MYEF2: variants seen among roughly 807,000 people sequenced by gnomAD.
The protein encoded by MYEF2 is myelin gene expression factor 2.
MYEF2 carries 37 observed loss-of-function variants against 75.2 expected under a neutral mutation model. The ratio of observed to expected loss-of-function variants is 0.49; its 90% CI spans 0.38 to 0.65. MYEF2 has a LOEUF of 0.65. Among genes scored for constraint, MYEF2 ranks in the 30% least tolerant of loss-of-function variants. The pLI is 0.00. For synonymous variants in MYEF2, 195 were observed against 241.6 expected (o/e 0.81, Z 1.79); for missense variants, 634 against 771.4 (o/e 0.82, Z 2.11).
rs2040111239 is a variant in MYEF2, at chr15:48,165,790, C to T, written c.525+143G>A. 4 of 538,766 alleles carry T rather than the reference C, an allele frequency of 7.4e-6. No homozygotes were observed. The South Asian group carries it at 1.0e-4, about 14-fold the overall frequency. The allele number at this position is 538,766 out of a possible 1,614,324, so 33.4% of individuals were successfully genotyped here. On this transcript the variant is annotated intron_variant, in intron 5 of 16. Transcript: ENST00000324324. ...AATATAAAATCATGTACAAGTAAAA[C>T]TTTCGTCAATATATAATGCTTTAAT...
rs964320541 is a variant in MYEF2, at chr15:48,150,657, G to A, written c.1378+443C>T. 8.6e-5 allele frequency among the ~76,000 whole-genome samples: 13 copies of A among 152,028 alleles called. No homozygotes were observed. The South Asian group carries it at 2.7e-3, about 32-fold the overall frequency. On this transcript the variant is annotated intron_variant, in intron 14 of 16. Coordinates refer to ENST00000324324, the MANE Select transcript of MYEF2 (RefSeq NM_016132.5). ...GAATTAAGTACCTCTTTCAACCTTA[G>A]CCTGACTCAAGCTCAGGAGATGCCT... is the stretch of plus-strand genomic sequence containing the variant.
chr15:48,166,407 C>T (rs1038598841), intron 3 of MYEF2, among the ~76,000 whole-genome samples: 1 of 151,842 alleles, frequency 6.6e-6, no homozygotes, highest in Non-Finnish European at 1.5e-5. Context: ...AAATTAATGT[C>T]ACTGCACAAA....
intron 16 of MYEF2, among the ~76,000 whole-genome samples, chr15:48,144,595 T>C (rs1276790584): frequency 6.6e-6 from 1 of 151,852 alleles, no homozygotes; most frequent in Non-Finnish European, 1.5e-5. Context: ...ACAACTGGAA[T>C]GAAATGGGGA....
In MYEF2 at chr15:48,142,251, G is replaced by T; in HGVS notation, c.*657C>A. 1 of 1,613,512 alleles carries T rather than the reference G, an allele frequency of 6.2e-7. No homozygotes were observed. Among genetic ancestry groups the T allele is most frequent in the Non-Finnish European group, 8.5e-7 (1 of 1,179,670 alleles). On this transcript the variant is annotated 3_prime_UTR_variant, in exon 17 of 17. Transcript: ENST00000324324. ...GGCTGGAAACTAGACAGAAAGTTGGGAATAGTCTGCCTATTATCATACTTG... is the reference window on the plus strand; with the variant it reads ...GGCTGGAAACTAGACAGAAAGTTGGTAATAGTCTGCCTATTATCATACTTG...
At chr15:48,163,386 T>C (rs76562432) in intron 5 of MYEF2, among the ~76,000 whole-genome samples, 1 of 152,284 alleles carries the variant, frequency 6.6e-6, no homozygotes, top group Admixed American at 6.5e-5. Context: ...TTCAATTCTA[T>C]GAAGGCTGAG....
Position 48,139,247 on chromosome 15 carries a change from A to G in MYEF2, c.*3661T>C. On this transcript the variant is annotated 3_prime_UTR_variant, in exon 17 of 17. Transcript: ENST00000324324. ...GAACAAATTGCATATGTTCACTCAA[A>G]GTAGTCTAGCTACACAGCAAATTTC... The G allele has an allele frequency of 7.7e-7, 1 of 1,303,886 alleles. No individual in the cohort carries two copies. Among genetic ancestry groups the G allele is most frequent in the Non-Finnish European group, 1.1e-6 (1 of 919,736 alleles). The allele number at this position is 1,303,886 out of a possible 1,614,324, so 80.8% of individuals were successfully genotyped here.
Position 48,135,176 on chromosome 15 carries a change from A to C in MYEF2, c.*7732T>G. ...TCTCACTAGTTTGCAATTTCTTCTT[A>C]ATCACTTCACAGTCTCCTTTTTTCT... On this transcript the variant is annotated 3_prime_UTR_variant, in exon 17 of 17. Coordinates refer to ENST00000324324, the MANE Select transcript of MYEF2 (RefSeq NM_016132.5). 2.1e-6 allele frequency: 1 copy of C among 473,666 alleles called. No homozygotes were observed. The highest frequency in any genetic ancestry group is 3.4e-5 in the South Asian group (1 of 29,666). The allele number at this position is 473,666 out of a possible 1,614,324, so 29.3% of individuals were successfully genotyped here.
chr15:48,152,714 A>G (rs1208891064), intron 10 of MYEF2: 1 of 158,890 alleles, frequency 6.3e-6, no homozygotes, highest in East Asian at 1.9e-4. Context: ...AGAGCAGTAA[A>G]AATTTTCAAA....
rs1198756034 is a variant in MYEF2, at chr15:48,178,157, G to C, written c.81C>G (p.Gly27=). The stretch of plus-strand genomic sequence containing the variant: ...CGGGGTGCGGCTCTCGCCGCGGCTC[G>C]CCCGGCGGCTCTGCGGGCTGCAGGT... ...SPHLQPAEPP[G]EPRREPHPAE... The change falls in exon 1 of 17, where the codon GGC becomes GGG. Residue 27 remains glycine (G), a synonymous_variant. Transcript: ENST00000324324. 8 of 1,561,626 alleles carry C rather than the reference G, an allele frequency of 5.1e-6. No homozygotes were observed. In the South Asian group the frequency reaches 9.3e-5, roughly 18 times the overall value.
chr15:48,152,826 T>A (rs2039544775), intron 10 of MYEF2: 2 of 152,468 alleles, frequency 1.3e-5, no homozygotes, highest in Admixed American at 6.6e-5. Flanking sequence ...ATGAGCCTCA[T>A]AATTTAAAGT....
chr15:48,166,452 G>T (rs994062921), intron 3 of MYEF2, among the ~76,000 whole-genome samples: 1 of 151,764 alleles, frequency 6.6e-6, no homozygotes. Flanking sequence ...ATAACTAAAG[G>T]CTCCAATAGA....
At chr15:48,158,389 C>A (rs779279984) in intron 7 of MYEF2, among the ~76,000 whole-genome samples, 165 bp from the exon 8 acceptor site, 26 of 152,034 alleles carry the variant, frequency 1.7e-4, no homozygotes, top group Non-Finnish European at 3.4e-4. Context: ...ATATTCAATT[C>A]TTTGCTTTAC....
In MYEF2 at chr15:48,152,233, C is replaced by A. The variant is rs117103804; in HGVS notation, c.1138+1G>T. The stretch of plus-strand genomic sequence containing the variant: ...ACAAAAAAACAAATCTTTATACATA[C>A]CTCCTCCAATTCTATTCATTCCTCC... On this transcript the variant is annotated splice_donor_variant, in intron 11 of 16. Transcript: ENST00000324324. LOFTEE classifies it high-confidence loss of function. 3.8e-3 allele frequency: 6,139 copies of A among 1,609,526 alleles called. 18 individuals carry two copies. The highest frequency in any genetic ancestry group is 8.3e-3 in the Middle Eastern group (50 of 6,046).
intron 1 of MYEF2, among the ~76,000 whole-genome samples, chr15:48,174,244 A>G (rs2040436793): frequency 6.6e-6 from 1 of 152,156 alleles, no homozygotes; most frequent in Non-Finnish European, 1.5e-5. Flanking sequence ...GTGAAAGGAC[A>G]GTCTCTTCAA....
chr15:48,136,939 C>T lies in MYEF2; in HGVS notation c.*5969G>A. 1 of 1,612,900 alleles carries T rather than the reference C, an allele frequency of 6.2e-7. No homozygotes were observed. The highest frequency in any genetic ancestry group is 8.5e-7 in the Non-Finnish European group (1 of 1,179,096). On this transcript the variant is annotated 3_prime_UTR_variant, in exon 17 of 17. Coordinates refer to ENST00000324324, the MANE Select transcript of MYEF2 (RefSeq NM_016132.5). The stretch of plus-strand genomic sequence containing the variant: ...CTACTCTCAGCTCTCTATAAGTTTA[C>T]ATGGCCTTAGTCAGGTTTCTGAAGG...
Position 48,149,038 on chromosome 15 carries a change from G to T in MYEF2, c.1633C>A (p.Gln545Lys). 1.2e-6 allele frequency: 2 copies of T among 1,612,886 alleles called. No homozygotes were observed. Among genetic ancestry groups the T allele is most frequent in the South Asian group, 2.2e-5 (2 of 91,012 alleles). ...TWQKLKEKFS[Q>K]CGHVMFAEIK... The stretch of plus-strand genomic sequence containing the variant: ...CAGTCATTTGCATACTTACCACACT[G>T]ACTGAATTTCTCTTTTAGTTTCTGC... Residue 545 changes from glutamine to lysine, a missense_variant, in exon 16 of 17, where the codon CAG becomes AAG. By Grantham distance (53) the Gln-to-Lys change is moderately conservative. Transcript: ENST00000324324. The surrounding 1 kb of genome is among the most constrained non-coding windows in gnomAD (Gnocchi z 4.0).
chr15:48,152,209 CA>C (rs532724461), intron 11 of MYEF2, 24 bp downstream of exon 11: 3 of 1,596,204 alleles, frequency 1.9e-6, no homozygotes, highest in South Asian at 1.1e-5. Flanking sequence ...TGGGTACATA[CA>C]AAAAAACAAA....
chr15:48,149,428 A>G lies in MYEF2; in HGVS notation c.1379-57T>C. On this transcript the variant is annotated intron_variant, in intron 14 of 16. Coordinates refer to ENST00000324324, the MANE Select transcript of MYEF2 (RefSeq NM_016132.5). The surrounding 1 kb of genome is among the most constrained non-coding windows in gnomAD (Gnocchi z 4.0). ...GGAATTTTGTGTTTTTGTTTCAAAA[A>G]CATAAGGAAAAGGAGAAGAGGAGAA... 1 of 1,533,542 alleles carries G rather than the reference A, an allele frequency of 6.5e-7. No homozygotes were observed. Among genetic ancestry groups the G allele is most frequent in the Non-Finnish European group, 9.0e-7 (1 of 1,110,910 alleles). 95.0% of individuals were successfully genotyped at this position (1,533,542 alleles called of 1,614,324 possible).
Position 48,140,985 on chromosome 15 carries a change from C to A in MYEF2, c.*1923G>T. ...GCTAGCTAAAAAACTAATAAGCAAG[C>A]ACATATTGGCTCTGAATTCTAAATG... On this transcript the variant is annotated 3_prime_UTR_variant, in exon 17 of 17. Coordinates refer to ENST00000324324, the MANE Select transcript of MYEF2 (RefSeq NM_016132.5). 1.5e-6 allele frequency: 1 copy of A among 667,658 alleles called. No individual in the cohort carries two copies. The highest frequency in any genetic ancestry group is 2.5e-6 in the Non-Finnish European group (1 of 397,056). The allele number at this position is 667,658 out of a possible 1,614,324, so 41.4% of individuals were successfully genotyped here.
Sources: allele counts gnomAD v4.1 joint callset (sites outside exome capture counted in the v4.1 genomes callset), GRCh38; gene constraint gnomAD v4.1.1; non-coding constraint Gnocchi (gnomAD v3.1); transcripts MANE v1.5; gene names NCBI Gene and HGNC (gene_info 2026-07-23, HGNC 2026-07-21).